The following NUDT13 variants were observed in gnomAD, a reference collection of about 807,000 sequenced individuals.
NUDT13 encodes the protein NAD(P)H pyrophosphatase NUDT13, mitochondrial.
A neutral mutation model predicts 41.7 loss-of-function variants in NUDT13; 40 were observed. That is an observed-to-expected ratio of 0.96 (90% CI 0.75 to 1.25). The LOEUF is 1.25. Ranked by LOEUF, NUDT13 falls within the 50% of genes most tolerant of loss-of-function variation. NUDT13 has a pLI of 0.00. For synonymous variants in NUDT13, 145 were observed against 155.5 expected (o/e 0.93, Z 0.50); for missense variants, 390 against 416.1 (o/e 0.94, Z 0.55).
At chr10:73,124,930 C>A in intron 5 of NUDT13, 188 bp from the exon 6 acceptor site, 1 of 521,134 alleles carries the variant, frequency 1.9e-6, no homozygotes. Flanking sequence ...ATTCAGATTT[C>A]TGATGCTAGA....
chr10:73,124,947 T>C (rs1407792306), intron 5 of NUDT13, 171 bp from the exon 6 acceptor site: 6 of 590,196 alleles, frequency 1.0e-5, no homozygotes, highest in Non-Finnish European at 1.4e-5. Context: ...TAGAGGAATA[T>C]GTTCAGTTAG....
At chr10:73,130,677 A>G (rs1049988021) in intron 8 of NUDT13, 26 bp from the exon 9 acceptor site, 1 of 1,601,758 alleles carries the variant, frequency 6.2e-7, no homozygotes. Flanking sequence ...CTGACCTTAC[A>G]TCCTTTTCTT....
rs139659944 is a variant in NUDT13 at position 73,110,506 on chromosome 10, T to A, written c.-71T>A. 1 of 152,330 alleles carries A rather than the reference T, an allele frequency of 6.6e-6. No individual in the cohort carries two copies. Among genetic ancestry groups the A allele is most frequent in the African/African-American group, 2.4e-5 (1 of 41,566 alleles). 9.4% of individuals were successfully genotyped at this position (152,330 alleles called of 1,614,324 possible). On this transcript the variant is annotated 5_prime_UTR_variant, in exon 1 of 9. Coordinates refer to ENST00000357321, the MANE Select transcript of NUDT13 (RefSeq NM_015901.6). ...ACGGAAGCCGTTGAACGTGAACATTTGGAGTTTCCTCTTTTGTGCTGATTC... is the reference window on the plus strand; with the variant it reads ...ACGGAAGCCGTTGAACGTGAACATTAGGAGTTTCCTCTTTTGTGCTGATTC...
chr10:73,126,937 T>C, intron 8 of NUDT13, 110 bp downstream of exon 8: 1 of 933,432 alleles, frequency 1.1e-6, no homozygotes, highest in Non-Finnish European at 1.7e-6. Context: ...CTAGATTACA[T>C]AAACATGTGT....
chr10:73,116,876 A>ATTTTTT lies in NUDT13; in HGVS notation c.83+2451_83+2456dup, dbSNP rs56229464. Among the ~76,000 whole-genome samples, 102 of 81,870 alleles carry ATTTTTT rather than the reference A, an allele frequency of 1.2e-3. 20 individuals are homozygous for ATTTTTT. The highest frequency in any genetic ancestry group is 4.3e-3 in the African/African-American group (88 of 20,458). 53.7% of individuals were successfully genotyped at this position (81,870 alleles called of 152,430 possible). A position where few individuals can be genotyped will look rare whatever the true frequency, so the allele number is the denominator to read the frequency against. On this transcript the variant is annotated intron_variant, in intron 2 of 8. Coordinates refer to ENST00000357321, the MANE Select transcript of NUDT13 (RefSeq NM_015901.6). ...TGTACTCCTTTAACAGACTACAAGA[A>ATTTTTT]TTTTTTTTTTTTTTTTTTTTTTTTT...
chr10:73,120,184 T>G, intron 3 of NUDT13, 27 bp downstream of exon 3: 1 of 1,607,508 alleles, frequency 6.2e-7, no homozygotes, highest in Non-Finnish European at 8.5e-7. Context: ...CCAGTGGCGT[T>G]GACCAGCCTG....
chr10:73,121,087 A>G (rs529073145), intron 3 of NUDT13, among the ~76,000 whole-genome samples: 1 of 152,094 alleles, frequency 6.6e-6, no homozygotes, highest in South Asian at 2.1e-4. Flanking sequence ...CAAAATGCAA[A>G]CTTTGGCTGG....
chr10:73,128,408 G>T (rs898602746), intron 8 of NUDT13, among the ~76,000 whole-genome samples: 6 of 151,882 alleles, frequency 4.0e-5, no homozygotes, highest in African/African-American at 1.5e-4. Context: ...CTTTTTTAAT[G>T]GTAGCCATTA....
intron 5 of NUDT13, chr10:73,124,721 T>C (rs1004849011): frequency 5.0e-6 from 1 of 200,186 alleles, no homozygotes; most frequent in African/African-American, 2.3e-5. Flanking sequence ...GTGCATTTAA[T>C]TTAAAAAGAA....
At position 73,125,674 on chromosome 10, in the gene NUDT13, T is replaced by TATAA. The variant is rs1348112052; in HGVS notation, c.703+167_703+170dup. On this transcript the variant is annotated intron_variant, in intron 7 of 8. Coordinates refer to ENST00000357321, the MANE Select transcript of NUDT13 (RefSeq NM_015901.6). ...TTTTATATATATATATATATATATA[T>TATAA]ATAAAATTTTTTCCTTTCCTTTTTT... 14 of 173,452 alleles carry TATAA rather than the reference T, an allele frequency of 8.1e-5. No individual in the cohort carries two copies. In the East Asian group the frequency reaches 1.3e-3, roughly 16 times the overall value. The allele number at this position is 173,452 out of a possible 1,614,324, so 10.7% of individuals were successfully genotyped here. A position where few individuals can be genotyped will look rare whatever the true frequency, so the allele number is the denominator to read the frequency against.
intron 8 of NUDT13, 72 bp downstream of exon 8, chr10:73,126,899 A>T: frequency 7.7e-7 from 1 of 1,307,036 alleles, no homozygotes; most frequent in South Asian, 1.2e-5. Context: ...GCAAGTACTT[A>T]TTAAGCACTT....
rs1564654429 is a variant in NUDT13, at chr10:73,126,828, G to T, written c.858+1G>T. 1 of 1,613,788 alleles carries T rather than the reference G, an allele frequency of 6.2e-7. No homozygotes were observed. The highest frequency in any genetic ancestry group is 8.5e-7 in the Non-Finnish European group (1 of 1,179,738). On this transcript the variant is annotated splice_donor_variant, in intron 8 of 8. Coordinates refer to ENST00000357321, the MANE Select transcript of NUDT13 (RefSeq NM_015901.6). LOFTEE classifies it high-confidence loss of function. ...AACTGTGAAACCAGGGCAGACAGAA[G>T]TAAGTTCTCATCTTCCCTTATACTG...
chr10:73,130,395 G>A (rs1308996261), intron 8 of NUDT13: 1 of 153,200 alleles, frequency 6.5e-6, no homozygotes, highest in African/African-American at 2.4e-5. Context: ...CCTGGGAGGT[G>A]GAGCTTGCAT....
At chr10:73,112,222 G>A (rs1054614707) in intron 1 of NUDT13, among the ~76,000 whole-genome samples, 1 of 152,034 alleles carries the variant, frequency 6.6e-6, no homozygotes, top group Admixed American at 6.6e-5. Context: ...GCGTGGTGGC[G>A]TATGCCTGTA....
At chr10:73,110,999 C>G (rs995866955) in intron 1 of NUDT13, among the ~76,000 whole-genome samples, 14 of 152,132 alleles carry the variant, frequency 9.2e-5, no homozygotes, top group Non-Finnish European at 2.1e-4. Context: ...TAAACACAGG[C>G]GAAGTATCAC....
chr10:73,112,295 G>A (rs1306242773), intron 1 of NUDT13, among the ~76,000 whole-genome samples: 2 of 152,102 alleles, frequency 1.3e-5, no homozygotes, highest in African/African-American at 4.8e-5. Context: ...GGAGGTTGCG[G>A]TGAGCCGAGA....
chr10:73,115,454 G>A (rs947586605), intron 2 of NUDT13, among the ~76,000 whole-genome samples: 4 of 151,878 alleles, frequency 2.6e-5, no homozygotes, highest in Non-Finnish European at 4.4e-5. Context: ...GATTACAGGC[G>A]TAAGTCACCA....
intron 4 of NUDT13, among the ~76,000 whole-genome samples, chr10:73,122,894 A>G (rs1397372751): frequency 1.5e-5 from 2 of 130,560 alleles, no homozygotes; most frequent in East Asian, 2.4e-4. Context: ...TACATTTTGT[A>G]TATTTCTTTT....
chr10:73,112,030 T>C (rs1842376864), intron 1 of NUDT13, among the ~76,000 whole-genome samples: 1 of 152,196 alleles, frequency 6.6e-6, no homozygotes, highest in African/African-American at 2.4e-5. Flanking sequence ...TTTAATAGTT[T>C]GGTATGTATA....
Sources: allele counts gnomAD v4.1 joint callset (sites outside exome capture counted in the v4.1 genomes callset), GRCh38; gene constraint gnomAD v4.1.1; transcripts MANE v1.5; gene names NCBI Gene and HGNC (gene_info 2026-07-23, HGNC 2026-07-21).